CNGB3: variants seen among roughly 807,000 people sequenced by gnomAD.
CNGB3 encodes cyclic nucleotide-gated channel beta-3.
Under a neutral mutation model 92.8 loss-of-function variants are expected in CNGB3, and 86 were observed. The ratio of observed to expected loss-of-function variants is 0.93; its 90% CI spans 0.78 to 1.11. CNGB3 has a LOEUF of 1.11. Ranked by LOEUF, CNGB3 falls within the 50% of genes least tolerant of loss-of-function variation. The pLI, the probability that CNGB3 is intolerant of heterozygous loss-of-function variation, is 0.00. For synonymous variants in CNGB3, 333 were observed against 332.7 expected (o/e 1.00, Z -0.01); for missense variants, 1,026 against 956.8 (o/e 1.07, Z -0.95).
At chr8:86,667,157 A>G (rs1166870923) in intron 5 of CNGB3, 24 bp from the exon 6 acceptor site, 1 of 1,594,332 alleles carries the variant, frequency 6.3e-7, no homozygotes, top group Non-Finnish European at 8.6e-7. Context: ...AAGTGGTGAA[A>G]TCCAAATGAC....
At chr8:86,581,037 G>A (rs912272072) in intron 15 of CNGB3, among the ~76,000 whole-genome samples, 7 of 98,840 alleles carry the variant, frequency 7.1e-5, no homozygotes, top group Admixed American at 3.7e-4. Context: ...CCAGTTGGCT[G>A]TTAATTGTTA....
chr8:86,668,225 A>G, intron 4 of CNGB3, 57 bp from the exon 5 acceptor site: 1 of 1,590,798 alleles, frequency 6.3e-7, no homozygotes, highest in Non-Finnish European at 8.6e-7. Context: ...TAGTTTAGTT[A>G]AAAACTTGAA....
chr8:86,586,327 T>C (rs1416022151), intron 15 of CNGB3, among the ~76,000 whole-genome samples: 1 of 72,516 alleles, frequency 1.4e-5, no homozygotes, highest in Non-Finnish European at 4.0e-5. Flanking sequence ...ATAGATAATA[T>C]TTTTTTTTAA....
At position 86,720,454 on chromosome 8, in the gene CNGB3, A is replaced by G. The variant is rs1161735329; in HGVS notation, c.338+6077T>C. 2.0e-5 allele frequency among the ~76,000 whole-genome samples: 3 copies of G among 152,332 alleles called. No individual in the cohort carries two copies. The East Asian group carries it at 5.8e-4, about 29-fold the overall frequency. On this transcript the variant is annotated intron_variant, in intron 3 of 17. Transcript: ENST00000320005. ...CAAATCAAAACCACAATGCAATACC[A>G]CCTCACTCCTGCAATAATGGCCATA...
intron 4 of CNGB3, among the ~76,000 whole-genome samples, chr8:86,668,776 C>A (rs562646679): frequency 1.3e-5 from 2 of 151,328 alleles, no homozygotes; most frequent in Admixed American, 6.6e-5. Flanking sequence ...GGCTTTGTCA[C>A]CTGGGTAGAC....
At position 86,643,741 on chromosome 8, in the gene CNGB3, C is replaced by A; in HGVS notation, c.1178+10G>T. 1.2e-6 allele frequency: 2 copies of A among 1,603,990 alleles called. No individual in the cohort carries two copies. The highest frequency in any genetic ancestry group is 1.1e-5 in the South Asian group (1 of 90,742). ...AATCAATAAAGGTTTCTTTCAAAAT[C>A]AGAACTTACTCGTTTCCTTCCCCAT... On this transcript the variant is annotated intron_variant, in intron 10 of 17. Coordinates refer to ENST00000320005, the MANE Select transcript of CNGB3 (RefSeq NM_019098.5).
intron 3 of CNGB3, among the ~76,000 whole-genome samples, chr8:86,678,034 C>A (rs1273390074): frequency 6.6e-6 from 1 of 151,682 alleles, no homozygotes; most frequent in Non-Finnish European, 1.5e-5. Flanking sequence ...TTTTTAAAAC[C>A]CACTATTTCT....
chr8:86,637,930 C>T (rs961023328), intron 10 of CNGB3, among the ~76,000 whole-genome samples: 6 of 152,054 alleles, frequency 3.9e-5, no homozygotes, highest in South Asian at 4.1e-4. Context: ...TTTTTTCTAC[C>T]GTGGATAAGT....
At chr8:86,666,800 T>C in intron 6 of CNGB3, 125 bp downstream of exon 6, 2 of 795,700 alleles carry the variant, frequency 2.5e-6, no homozygotes, top group South Asian at 1.4e-5. Flanking sequence ...TTATTGCTCA[T>C]GACTTCTTGC....
chr8:86,611,958 G>C (rs1354021795), intron 13 of CNGB3, among the ~76,000 whole-genome samples: 1 of 151,826 alleles, frequency 6.6e-6, no homozygotes, highest in Non-Finnish European at 1.5e-5. Flanking sequence ...TGTAAAATGG[G>C]GATAAAAATG....
chr8:86,631,987 T>A (rs1210179236), intron 11 of CNGB3, among the ~76,000 whole-genome samples: 1 of 152,104 alleles, frequency 6.6e-6, no homozygotes, highest in Non-Finnish European at 1.5e-5. Flanking sequence ...AACTGCCTTC[T>A]GTATCAGGTT....
chr8:86,662,285 T>C (rs995516569), intron 6 of CNGB3, among the ~76,000 whole-genome samples: 4 of 152,232 alleles, frequency 2.6e-5, no homozygotes, highest in African/African-American at 7.2e-5. Flanking sequence ...TTCAAAGAAA[T>C]AAAATCCTCG....
intron 3 of CNGB3, among the ~76,000 whole-genome samples, chr8:86,693,860 C>G (rs1041682653): frequency 4.6e-5 from 7 of 152,172 alleles, no homozygotes; most frequent in East Asian, 1.9e-4. Context: ...TACACAGACA[C>G]GGCAACCATC....
chr8:86,658,960 C>T (rs1823574187), intron 6 of CNGB3: 1 of 1,086,094 alleles, frequency 9.2e-7, no homozygotes, highest in Non-Finnish European at 1.4e-6. Context: ...CTCAAGCCCT[C>T]ATTGTCTTGC....
intron 2 of CNGB3, among the ~76,000 whole-genome samples, chr8:86,737,750 A>G (rs1470858023): frequency 1.3e-5 from 2 of 152,104 alleles, no homozygotes; most frequent in Non-Finnish European, 2.9e-5. Flanking sequence ...TCCACCCTCA[A>G]GTAGATCCTG....
At chr8:86,659,185 C>G in intron 6 of CNGB3, 1 of 711,706 alleles carries the variant, frequency 1.4e-6, no homozygotes, top group East Asian at 2.5e-5. Flanking sequence ...TGCACCTGCT[C>G]TGACATCGGC....
rs185074707 is a variant in CNGB3 at position 86,634,600 on chromosome 8, C to G, written c.1179-1707G>C. On this transcript the variant is annotated intron_variant, in intron 10 of 17. Transcript: ENST00000320005. Reference sequence around the variant, plus strand: ...TTAAAAATGTCATTTATATAAAGAACGTCTCCAGGTTTTGTTACAGAGGGA... The same window carrying G: ...TTAAAAATGTCATTTATATAAAGAAGGTCTCCAGGTTTTGTTACAGAGGGA... Among the ~76,000 whole-genome samples, 471 of 152,102 alleles carry G rather than the reference C, an allele frequency of 3.1e-3. 4 individuals carry two copies. Among genetic ancestry groups the G allele is most frequent in the Admixed American group, 6.1e-3 (93 of 15,256 alleles).
chr8:86,656,426 G>T (rs562672772), intron 6 of CNGB3, among the ~76,000 whole-genome samples: 1 of 152,308 alleles, frequency 6.6e-6, no homozygotes, highest in East Asian at 1.9e-4. Flanking sequence ...ATGTGATTTA[G>T]TGATTTTAAA....
At chr8:86,611,533 C>G (rs183005285) in intron 14 of CNGB3, 55 bp downstream of exon 14, 5 of 1,410,458 alleles carry the variant, frequency 3.5e-6, no homozygotes, top group Non-Finnish European at 5.0e-6. Context: ...GACTTATGTC[C>G]GAAATCCTCA....
Sources: gnomAD v4.1 joint callset for allele counts (sites outside exome capture counted in the v4.1 genomes callset) on GRCh38, gnomAD v4.1.1 for gene constraint, MANE v1.5 for transcripts, NCBI Gene and HGNC (gene_info 2026-07-23, HGNC 2026-07-21) for gene names.